The following ANKRD34B variants were observed in gnomAD, a reference collection of about 807,000 sequenced individuals.
The protein encoded by ANKRD34B is ankyrin repeat domain-containing protein 34B.
Under a neutral mutation model 4.4 loss-of-function variants are expected in ANKRD34B, and 2 were observed. That is an observed-to-expected ratio of 0.46 (90% CI 0.19 to 1.44). The LOEUF (loss-of-function observed/expected upper bound fraction) is 1.44, where lower values mean the gene tolerates loss of function less well. ANKRD34B is among the 40% of genes most tolerant of loss of function. The pLI, the probability that ANKRD34B is intolerant of heterozygous loss-of-function variation, is 0.26. For missense variants in ANKRD34B, 558 were observed against 604.7 expected (o/e 0.92, Z 0.81); for synonymous variants, 226 against 227.1 (o/e 0.99, Z 0.05).
Position 80,558,175 on chromosome 5 carries a change from G to A in ANKRD34B, c.*300C>T, listed in dbSNP as rs146178942. The A allele has an allele frequency of 0.015, 2,749 of 181,874 alleles. 36 individuals carry two copies. The highest frequency in any genetic ancestry group is 0.054 in the Middle Eastern group (22 of 408). 11.3% of individuals were successfully genotyped at this position (181,874 alleles called of 1,614,324 possible). A position where few individuals can be genotyped will look rare whatever the true frequency, so the allele number is the denominator to read the frequency against. On this transcript the variant is annotated 3_prime_UTR_variant, in exon 5 of 5. Transcript: ENST00000338682. ...ATTTTTAAAAATTACCCCAACATAC[G>A]TGGCCTTCTTTCTTTGATTTTTTTT...
chr5:80,565,104 G>A (rs556478752), intron 3 of ANKRD34B, among the ~76,000 whole-genome samples: 1 of 152,346 alleles, frequency 6.6e-6, no homozygotes, highest in Non-Finnish European at 1.5e-5. Flanking sequence ...TTCTCCAAAT[G>A]TACAATACAT....
In ANKRD34B at chr5:80,558,205, G is replaced by A. The variant is rs1445566351; in HGVS notation, c.*270C>T. On this transcript the variant is annotated 3_prime_UTR_variant, in exon 5 of 5. Coordinates refer to ENST00000338682, the MANE Select transcript of ANKRD34B (RefSeq NM_001004441.3). ...CTTCTTTCTTTGATTTTTTTTTAAT[G>A]ACAAATTTGGACTACATGGAGATTG... is the stretch of plus-strand genomic sequence containing the variant. 4.7e-6 allele frequency: 1 copy of A among 211,166 alleles called. No individual in the cohort carries two copies. Among genetic ancestry groups the A allele is most frequent in the Non-Finnish European group, 9.2e-6 (1 of 108,126 alleles). The allele number at this position is 211,166 out of a possible 1,614,324, so 13.1% of individuals were successfully genotyped here. A position where few individuals can be genotyped will look rare whatever the true frequency, so the allele number is the denominator to read the frequency against.
At chr5:80,566,577 A>G (rs1746573688) in intron 3 of ANKRD34B, 112 bp downstream of exon 3, 2 of 152,662 alleles carry the variant, frequency 1.3e-5, no homozygotes, top group Non-Finnish European at 2.9e-5. Context: ...GACACATTGC[A>G]TCTTGGAAAG....
intron 3 of ANKRD34B, chr5:80,564,475 G>A (rs1746501447): frequency 6.6e-6 from 1 of 152,196 alleles, no homozygotes; most frequent in African/African-American, 2.4e-5. Context: ...CGTGCCTAAG[G>A]AGGACAGTGG....
intron 3 of ANKRD34B, among the ~76,000 whole-genome samples, chr5:80,565,992 A>G (rs1746553777): frequency 6.6e-6 from 1 of 152,222 alleles, no homozygotes; most frequent in Non-Finnish European, 1.5e-5. Flanking sequence ...GCACCTCATC[A>G]TGGCATATTT....
At chr5:80,564,562 C>T (rs776776968) in intron 3 of ANKRD34B, 2 of 152,192 alleles carry the variant, frequency 1.3e-5, no homozygotes, top group South Asian at 2.1e-4. Context: ...GGAACCAACT[C>T]GCTGCCTAAT....
Position 80,559,960 on chromosome 5 carries a change from C to G in ANKRD34B, c.60G>C (p.Gln20His), listed in dbSNP as rs1309506420. 1 of 1,613,054 alleles carries G rather than the reference C, an allele frequency of 6.2e-7. No homozygotes were observed. The highest frequency in any genetic ancestry group is 8.5e-7 in the Non-Finnish European group (1 of 1,179,562). The change falls in exon 5 of 5, where the codon CAG (glutamine) becomes CAC (histidine). Residue 20 changes from glutamine (Q) to histidine (H), a missense_variant. Gln to His is a conservative substitution (Grantham distance 24, BLOSUM62 0). Coordinates refer to ENST00000338682, the MANE Select transcript of ANKRD34B (RefSeq NM_001004441.3). ...EGNSLIKAVH[Q>H]SRLRLTRLLL... ...AAAGTCTTGTGAGGCGAAGCCGGCT[C>G]TGATGGACTGCTTTGATCAAGGAAT...
At chr5:80,567,626 AAAAAAAAAAAGAAAAG>A (rs1425577291) in intron 2 of ANKRD34B, among the ~76,000 whole-genome samples, 3 of 143,532 alleles carry the variant, frequency 2.1e-5, no homozygotes. Flanking sequence ...CGTCTCAAAA[AAAAAAAAAAAGAAAAG>A]AAAAGAAAAG....
intron 3 of ANKRD34B, among the ~76,000 whole-genome samples, chr5:80,565,575 G>A (rs983774800): frequency 1.3e-5 from 2 of 152,316 alleles, no homozygotes; most frequent in Non-Finnish European, 2.9e-5. Flanking sequence ...ATCATAGAAC[G>A]TGCATTCCAT....
At chr5:80,566,928 G>A (rs1442318606) in intron 2 of ANKRD34B, among the ~76,000 whole-genome samples, 154 bp from the exon 3 acceptor site, 1 of 152,170 alleles carries the variant, frequency 6.6e-6, no homozygotes, top group African/African-American at 2.4e-5. Context: ...AGTTTGTAAA[G>A]TGTCTGGAGA....
chr5:80,569,329 G>A (rs1036514966), intron 1 of ANKRD34B, among the ~76,000 whole-genome samples: 34 of 152,150 alleles, frequency 2.2e-4, no homozygotes, highest in African/African-American at 8.0e-4. Flanking sequence ...GAAATGGTGC[G>A]TCTGAGGGGC....
At chr5:80,569,572 CTG>C in intron 1 of ANKRD34B, among the ~76,000 whole-genome samples, 1 of 150,758 alleles carries the variant, frequency 6.6e-6, no homozygotes, top group African/African-American at 2.4e-5. Context: ...GCCGAGGCAC[CTG>C]CGGAGACGCG....
At position 80,559,193 on chromosome 5, in the gene ANKRD34B, T is replaced by A; in HGVS notation, c.827A>T (p.Glu276Val). The A allele has an allele frequency of 6.2e-7, 1 of 1,614,224 alleles. No homozygotes were observed. Among genetic ancestry groups the A allele is most frequent in the Non-Finnish European group, 8.5e-7 (1 of 1,180,044 alleles). The change falls in exon 5 of 5, where the codon GAA becomes GTA. Residue 276 changes from glutamate to valine, a missense_variant. By Grantham distance (121) the Glu-to-Val change is moderately radical. Transcript: ENST00000338682. ...CAGCCCATTGGTTTTATAGGATAGT[T>A]CTTCCTCTGGTGTAATATCCTGGAG... is the stretch of plus-strand genomic sequence containing the variant. ...EELQDITPEE[E>V]LSYKTNGLAL...
In ANKRD34B at chr5:80,566,790, G is replaced by A. The variant is rs908795609; in HGVS notation, c.-190-16C>T. 1 of 152,588 alleles carries A rather than the reference G, an allele frequency of 6.6e-6. No homozygotes were observed. Among genetic ancestry groups the A allele is most frequent in the Non-Finnish European group, 1.5e-5 (1 of 68,028 alleles). 9.5% of individuals were successfully genotyped at this position (152,588 alleles called of 1,614,324 possible). A position where few individuals can be genotyped will look rare whatever the true frequency, so the allele number is the denominator to read the frequency against. On this transcript the variant is annotated splice_polypyrimidine_tract_variant and intron_variant, in intron 2 of 4. Coordinates refer to ENST00000338682, the MANE Select transcript of ANKRD34B (RefSeq NM_001004441.3). ...TCAGTTCCTACTGAAGGAAATCAAA[G>A]CTATTCAGAGTTACATAAACACCAA...
Position 80,558,977 on chromosome 5 carries a change from T to C in ANKRD34B, c.1043A>G (p.Gln348Arg). ...TCTTAAGGTGGAAGCAAATATTGTC[T>C]GGTTAGAATCTGGGTCCTGGTCAAC... Reference protein sequence around the residue: ...VPVDQDPDSNQTIFASTLRSI... With the variant: ...VPVDQDPDSNRTIFASTLRSI... Residue 348 changes from glutamine to arginine, a missense_variant, in exon 5 of 5, where the codon CAG (glutamine) becomes CGG (arginine). By Grantham distance (43) the Gln-to-Arg change is conservative. Transcript: ENST00000338682. 1.2e-6 allele frequency: 2 copies of C among 1,614,246 alleles called. No homozygotes were observed. The highest frequency in any genetic ancestry group is 1.7e-6 in the Non-Finnish European group (2 of 1,180,050).
chr5:80,564,306 C>T (rs1257501093), intron 3 of ANKRD34B: 1 of 152,768 alleles, frequency 6.5e-6, no homozygotes, highest in Non-Finnish European at 1.5e-5. Context: ...GCCGCCATGC[C>T]CAGCCAAGAC....
chr5:80,560,535 C>A (rs891240532), intron 4 of ANKRD34B, among the ~76,000 whole-genome samples: 1 of 151,874 alleles, frequency 6.6e-6, no homozygotes, highest in Non-Finnish European at 1.5e-5. Flanking sequence ...GGTGGTGTGA[C>A]CTGTAGTTCC....
chr5:80,561,570 A>C (rs1746406320), intron 4 of ANKRD34B, among the ~76,000 whole-genome samples: 1 of 152,202 alleles, frequency 6.6e-6, no homozygotes, highest in South Asian at 2.1e-4. Context: ...CTGAGCTACA[A>C]AGATACAAGC....
intron 4 of ANKRD34B, among the ~76,000 whole-genome samples, chr5:80,562,050 AGC>A (rs1348392543): frequency 2.0e-5 from 2 of 98,632 alleles, no homozygotes; most frequent in Non-Finnish European, 4.1e-5. Context: ...TAACTGACTC[AGC>A]GTGTGTGTGT....
Sources: allele counts gnomAD v4.1 joint callset (sites outside exome capture counted in the v4.1 genomes callset), GRCh38; gene constraint gnomAD v4.1.1; transcripts MANE v1.5; gene names NCBI Gene and HGNC (gene_info 2026-07-23, HGNC 2026-07-21).